Variants in MYO16 observed in about 807,000 individuals in gnomAD.
MYO16 encodes myosin XVI.
A neutral mutation model predicts 205.3 loss-of-function variants in MYO16; 94 were observed. The observed-to-expected ratio is 0.46, with a 90% CI of 0.39 to 0.54. The LOEUF is 0.54. MYO16 is among the 20% of genes least tolerant of loss of function. The probability of loss-of-function intolerance (pLI) is 0.00; values close to 1 mark genes in which losing one functional copy is unlikely to be tolerated. For missense variants in MYO16, 2,315 were observed against 2,387.5 expected, an observed-to-expected ratio of 0.97 and a Z score of 0.63; for synonymous variants, 988 against 954.0, an observed-to-expected ratio of 1.04 and a Z score of -0.66.
At chr13:108,699,431 C>G (rs1441640535) in intron 2 of MYO16, among the ~76,000 whole-genome samples, 2 of 151,690 alleles carry the variant, frequency 1.3e-5, no homozygotes, top group Non-Finnish European at 2.9e-5. Context: ...CTGTTTATTT[C>G]TAAAATTTGG....
chr13:109,120,791 T>A (rs1875952563), intron 29 of MYO16, among the ~76,000 whole-genome samples: 1 of 152,198 alleles, frequency 6.6e-6, no homozygotes, highest in East Asian at 1.9e-4. Context: ...AAAGTCCACC[T>A]GTAATCCCAG....
At chr13:108,948,953 A>G (rs555102912) in intron 16 of MYO16, among the ~76,000 whole-genome samples, 1 of 152,354 alleles carries the variant, frequency 6.6e-6, no homozygotes, top group Admixed American at 6.5e-5. Context: ...TGGAAGACAT[A>G]GCATCAGCCT....
chr13:108,599,789 C>G (rs1380870170), intron 1 of MYO16, among the ~76,000 whole-genome samples: 1 of 152,218 alleles, frequency 6.6e-6, no homozygotes, highest in Admixed American at 6.5e-5. Context: ...TCTCACAAAA[C>G]TCACATGCTT....
chr13:108,569,516 C>T, the MYO16 span, among the ~76,000 whole-genome samples: 1 of 151,918 alleles, frequency 6.6e-6, no homozygotes, highest in Admixed American at 6.6e-5. Flanking sequence ...TACAAACTTG[C>T]TTAATTATTA....
Position 108,883,145 on chromosome 13 carries a change from C to A in MYO16, c.1512C>A (p.His504Gln). 3 of 1,614,004 alleles carry A rather than the reference C, an allele frequency of 1.9e-6. No individual in the cohort carries two copies. Among genetic ancestry groups the A allele is most frequent in the Non-Finnish European group, 2.5e-6 (3 of 1,179,932 alleles). Residue 504 changes from histidine (H) to glutamine (Q), a missense_variant, in exon 13 of 35, where the codon CAC becomes CAA. His to Gln is a conservative substitution (Grantham distance 24). Transcript: ENST00000457511. ...TCTCCTGTGTGGAGAGAGCCTTTCA[C>A]CAGCTCTTCCGGGAACAGCGGCCTC... is the stretch of plus-strand genomic sequence containing the variant. ...HLFSCVERAF[H>Q]QLFREQRPQC...
chr13:108,763,903 A>C (rs1319728856), intron 4 of MYO16, among the ~76,000 whole-genome samples: 2 of 151,978 alleles, frequency 1.3e-5, no homozygotes, highest in Non-Finnish European at 2.9e-5. Context: ...AAGAAAGAAA[A>C]TTTGACATAG....
rs184028723 is a variant in MYO16, at chr13:109,117,270, T to C, written c.3439-3100T>C. On this transcript the variant is annotated intron_variant, in intron 28 of 34. Coordinates refer to ENST00000457511, the MANE Select transcript of MYO16 (RefSeq NM_001198950.3). ...CAATTCTTTATCTTCTGTTCTTTTT[T>C]TCTAATCTGAATTCATCCTGCCCAC... Among the ~76,000 whole-genome samples the C allele has an allele frequency of 2.5e-3, 382 of 152,038 alleles. 1 individual carries two copies. The highest frequency in any genetic ancestry group is 8.8e-3 in the African/African-American group (363 of 41,460).
chr13:109,162,662 C>G lies in MYO16; in HGVS notation c.5165-2239C>G, dbSNP rs1878442568. ...TTTTGGGAGAGAAGCTCCCAGGTAC[C>G]AGGCAGTGGTATTCATTATGTATCT... On this transcript the variant is annotated intron_variant, in intron 32 of 34. Coordinates refer to ENST00000457511, the MANE Select transcript of MYO16 (RefSeq NM_001198950.3). The surrounding 1 kb of genome is among the most constrained non-coding windows in gnomAD (Gnocchi z 4.6). Among the ~76,000 whole-genome samples the G allele has an allele frequency of 6.6e-6, 1 of 152,118 alleles. No individual in the cohort carries two copies. The highest frequency in any genetic ancestry group is 2.4e-5 in the African/African-American group (1 of 41,402).
intron 4 of MYO16, among the ~76,000 whole-genome samples, chr13:108,732,095 C>T (rs562607550): frequency 3.3e-5 from 5 of 152,268 alleles, no homozygotes; most frequent in African/African-American, 1.2e-4. Context: ...CTGCCAATAA[C>T]CTCAAAAGAT....
chr13:108,918,730 G>A (rs983861096), intron 16 of MYO16, among the ~76,000 whole-genome samples: 11 of 152,162 alleles, frequency 7.2e-5, no homozygotes, highest in African/African-American at 2.7e-4. Context: ...CCAGAGGTCC[G>A]GAGTTCGAGA....
intron 20 of MYO16, among the ~76,000 whole-genome samples, chr13:108,990,946 T>C (rs1036725509): frequency 1.3e-5 from 2 of 152,148 alleles, no homozygotes; most frequent in African/African-American, 4.8e-5. Context: ...TGTTCTGCCG[T>C]TTGGAAAAAG....
chr13:109,178,236 C>T (rs536100444), intron 33 of MYO16, among the ~76,000 whole-genome samples: 1 of 152,256 alleles, frequency 6.6e-6, no homozygotes, highest in Admixed American at 6.5e-5. Flanking sequence ...TGCCACGTAG[C>T]ACCTGAGGCT....
chr13:108,921,333 A>G lies in MYO16; in HGVS notation c.1925+11183A>G, dbSNP rs187562102. On this transcript the variant is annotated intron_variant, in intron 16 of 34. Transcript: ENST00000457511. ...TAGGAACCTGGGTGGATCATGGTCC[A>G]TGTCCCAGTCCAAATCTACTCCAGC... Among the ~76,000 whole-genome samples the G allele has an allele frequency of 1.2e-4, 19 of 152,250 alleles. No individual in the cohort carries two copies. In the East Asian group the frequency reaches 3.7e-3, roughly 29 times the overall value.
At chr13:108,653,168 T>G in intron 1 of MYO16, among the ~76,000 whole-genome samples, 1 of 152,222 alleles carries the variant, frequency 6.6e-6, no homozygotes, top group Admixed American at 6.5e-5. Context: ...ATATGCTTGT[T>G]GGGAATTTGT....
the MYO16 span, among the ~76,000 whole-genome samples, chr13:108,509,431 G>T: frequency 6.6e-6 from 1 of 152,166 alleles, no homozygotes; most frequent in African/African-American, 2.4e-5. Flanking sequence ...TTTACACTTT[G>T]CTGTACATCT....
At chr13:108,742,377 C>CA (rs1393279136) in intron 4 of MYO16, among the ~76,000 whole-genome samples, 1 of 151,956 alleles carries the variant, frequency 6.6e-6, no homozygotes, top group African/African-American at 2.4e-5. Context: ...TTGGCTCCCC[C>CA]AAAAGAATAC....
At chr13:108,771,250 T>A (rs1017349042) in intron 4 of MYO16, among the ~76,000 whole-genome samples, 18 of 152,296 alleles carry the variant, frequency 1.2e-4, no homozygotes, top group Admixed American at 7.2e-4. Flanking sequence ...CAAAATTTGC[T>A]ACGGAGAGAG....
chr13:109,094,257 C>A (rs1888707789), intron 27 of MYO16, among the ~76,000 whole-genome samples: 1 of 152,192 alleles, frequency 6.6e-6, no homozygotes, highest in African/African-American at 2.4e-5. Context: ...GTCATCCAGG[C>A]TGGAGTACAA....
At chr13:108,646,679 A>T (rs554785574) in intron 1 of MYO16, among the ~76,000 whole-genome samples, 33 of 152,290 alleles carry the variant, frequency 2.2e-4, no homozygotes, top group African/African-American at 7.7e-4. Context: ...CTTTAGATAT[A>T]GGTATATTTA....
Sources: gnomAD v4.1 joint callset for allele counts (sites outside exome capture counted in the v4.1 genomes callset) on GRCh38, gnomAD v4.1.1 for gene constraint, Gnocchi (gnomAD v3.1) non-coding constraint, MANE v1.5 for transcripts, NCBI Gene and HGNC (gene_info 2026-07-23, HGNC 2026-07-21) for gene names.